SGCD: variants seen among roughly 807,000 people sequenced by gnomAD.
The protein encoded by SGCD is sarcoglycan delta, also known as delta-sarcoglycan.
A neutral mutation model predicts 36.6 loss-of-function variants in SGCD; 18 were observed. That is an observed-to-expected ratio of 0.49 (90% CI 0.34 to 0.73). SGCD has a LOEUF of 0.73. Among genes scored for constraint, SGCD ranks in the 30% least tolerant of loss-of-function variants. The pLI, the probability that SGCD is intolerant of heterozygous loss-of-function variation, is 0.01. For missense variants in SGCD, 387 were observed against 346.7 expected (o/e 1.12, Z -0.92); for synonymous variants, 133 against 130.6 (o/e 1.02, Z -0.12).
At chr5:156,292,187 C>T (rs1487219864) in intron 3 of SGCD, among the ~76,000 whole-genome samples, 13 of 152,026 alleles carry the variant, frequency 8.6e-5, no homozygotes, top group Admixed American at 8.5e-4. Flanking sequence ...ATATTAAGTA[C>T]ATTTAAATTA....
chr5:156,046,266 C>T (rs1024711941), intron 1 of SGCD, among the ~76,000 whole-genome samples: 1 of 152,098 alleles, frequency 6.6e-6, no homozygotes, highest in Non-Finnish European at 1.5e-5. Flanking sequence ...CAATGAATTC[C>T]CCACATGACT....
chr5:155,881,685 G>A (rs529915187), intron 1 of SGCD, among the ~76,000 whole-genome samples: 1 of 152,318 alleles, frequency 6.6e-6, no homozygotes, highest in East Asian at 1.9e-4. Flanking sequence ...ATGCCATGCT[G>A]TTTGATAGGG....
intron 3 of SGCD, among the ~76,000 whole-genome samples, chr5:156,161,791 T>C (rs1295447193): frequency 6.6e-6 from 1 of 151,772 alleles, no homozygotes; most frequent in Non-Finnish European, 1.5e-5. Context: ...TAATTATATG[T>C]TTAAATTAAG....
intron 6 of SGCD, among the ~76,000 whole-genome samples, chr5:156,601,838 C>G (rs752106752): frequency 2.0e-5 from 3 of 151,926 alleles, no homozygotes; most frequent in Non-Finnish European, 4.4e-5. Context: ...CGCCTGCCAC[C>G]ACGCCCGGCT....
the SGCD span, among the ~76,000 whole-genome samples, chr5:155,737,173 A>G: frequency 6.6e-6 from 1 of 152,222 alleles, no homozygotes; most frequent in Non-Finnish European, 1.5e-5. Flanking sequence ...ATGAGCTTGA[A>G]AAGAGCTTGG....
intron 7 of SGCD, among the ~76,000 whole-genome samples, chr5:156,715,602 T>C (rs999166974): frequency 5.3e-5 from 8 of 152,198 alleles, no homozygotes; most frequent in Admixed American, 3.3e-4. Context: ...GATGCTATAT[T>C]GTGTAAAGTT....
intron 3 of SGCD, among the ~76,000 whole-genome samples, chr5:156,446,727 T>A (rs1581007137): frequency 6.6e-6 from 1 of 152,262 alleles, no homozygotes; most frequent in East Asian, 1.9e-4. Context: ...TTATGCAAAT[T>A]ACCCTTTGGT....
At chr5:156,040,068 C>A (rs1759597086) in intron 1 of SGCD, among the ~76,000 whole-genome samples, 1 of 152,156 alleles carries the variant, frequency 6.6e-6, no homozygotes, top group Admixed American at 6.5e-5. Flanking sequence ...AGCTGTCATC[C>A]AGCTTCTGAC....
At chr5:156,414,031 G>C (rs1772905100) in intron 3 of SGCD, among the ~76,000 whole-genome samples, 1 of 152,132 alleles carries the variant, frequency 6.6e-6, no homozygotes, top group South Asian at 2.1e-4. Context: ...CTTGCAGAAA[G>C]GCTGAATTTT....
In SGCD at chr5:155,885,155, A is replaced by G. The variant is rs1755973077; in HGVS notation, c.-282+14731A>G. 1.7e-5 allele frequency among the ~76,000 whole-genome samples: 2 copies of G among 116,912 alleles called. 1 individual carries two copies. The allele number at this position is 116,912 out of a possible 152,430, so 76.7% of individuals were successfully genotyped here. Reference sequence around the variant, plus strand: ...TATGGTCTATTTGGGTAGATGGTATATGTTCACTTTTTGGTCATTCAGTAA... The same window carrying G: ...TATGGTCTATTTGGGTAGATGGTATGTGTTCACTTTTTGGTCATTCAGTAA... On this transcript the variant is annotated intron_variant, in intron 1 of 9. Transcript: ENST00000517913.
chr5:155,921,663 C>T (rs1041842280), intron 1 of SGCD, among the ~76,000 whole-genome samples: 2 of 152,084 alleles, frequency 1.3e-5, no homozygotes, highest in Non-Finnish European at 2.9e-5. Context: ...CTGTTTAAAT[C>T]TAGAAAGAAA....
chr5:156,509,060 C>T (rs997036347), intron 4 of SGCD, among the ~76,000 whole-genome samples: 7 of 152,132 alleles, frequency 4.6e-5, no homozygotes, highest in Admixed American at 3.3e-4. Context: ...TTTTTAGAAA[C>T]ACAGAACTGA....
intron 3 of SGCD, among the ~76,000 whole-genome samples, chr5:156,372,729 A>G (rs1374517268): frequency 6.6e-6 from 1 of 152,184 alleles, no homozygotes; most frequent in African/African-American, 2.4e-5. Context: ...GCCTCCTACA[A>G]ATTAGACATT....
the SGCD span, among the ~76,000 whole-genome samples, chr5:155,774,834 A>G: frequency 6.6e-6 from 1 of 152,252 alleles, no homozygotes; most frequent in South Asian, 2.1e-4. Context: ...TCCAGGGATT[A>G]GGTCAAGGAC....
chr5:155,918,246 G>T (rs1463090977), intron 1 of SGCD, among the ~76,000 whole-genome samples: 1 of 152,162 alleles, frequency 6.6e-6, no homozygotes, highest in African/African-American at 2.4e-5. Context: ...CATAAATGAA[G>T]ATCACCAGAA....
chr5:156,656,352 A>C (rs1489564074), intron 7 of SGCD, among the ~76,000 whole-genome samples: 1 of 152,166 alleles, frequency 6.6e-6, no homozygotes, highest in African/African-American at 2.4e-5. Flanking sequence ...ATATGAACCA[A>C]GCCAGAGAAT....
chr5:155,968,582 T>A (rs970663698), intron 1 of SGCD, among the ~76,000 whole-genome samples: 1 of 152,138 alleles, frequency 6.6e-6, no homozygotes, highest in Non-Finnish European at 1.5e-5. Flanking sequence ...GTGTGTAATT[T>A]CAAAATTAAG....
intron 3 of SGCD, among the ~76,000 whole-genome samples, chr5:156,182,732 T>A (rs1835921): frequency 0.73 from 110,891 of 152,156 alleles, 41,353 homozygotes; most frequent in East Asian, 0.95. Flanking sequence ...CCCATTTACA[T>A]TGTGACTTTG....
chr5:156,011,003 T>C (rs1758849128), intron 1 of SGCD, among the ~76,000 whole-genome samples: 2 of 152,200 alleles, frequency 1.3e-5, no homozygotes, highest in East Asian at 1.9e-4. Flanking sequence ...ACTTTGAATA[T>C]CTTAGTGAAA....
Sources: gnomAD v4.1 joint callset for allele counts (sites outside exome capture counted in the v4.1 genomes callset) on GRCh38, gnomAD v4.1.1 for gene constraint, MANE v1.5 for transcripts, NCBI Gene and HGNC (gene_info 2026-07-23, HGNC 2026-07-21) for gene names.